The following NUCB2 variants were observed in gnomAD, a reference collection of about 807,000 sequenced individuals.
The protein encoded by NUCB2 is nucleobindin 2.
Under a neutral mutation model 57.9 loss-of-function variants are expected in NUCB2, and 48 were observed. The observed-to-expected ratio is 0.83, with a 90% CI of 0.66 to 1.05. The LOEUF (loss-of-function observed/expected upper bound fraction) is 1.05. Among genes scored for constraint, NUCB2 ranks in the 50% least tolerant of loss-of-function variants. The pLI, the probability that NUCB2 is intolerant of heterozygous loss-of-function variation, is 0.00. For synonymous variants in NUCB2, 139 were observed against 152.1 expected, an observed-to-expected ratio of 0.91 and a Z score of 0.64; for missense variants, 442 against 476.2, an observed-to-expected ratio of 0.93 and a Z score of 0.67.
chr11:17,324,883 C>T (rs1950482805), intron 11 of NUCB2, among the ~76,000 whole-genome samples: 1 of 152,048 alleles, frequency 6.6e-6, no homozygotes, highest in Non-Finnish European at 1.5e-5. Context: ...CTCACTGCAA[C>T]CTCCGCCTCC....
At chr11:17,310,040 A>G (rs1220607516) in intron 6 of NUCB2, among the ~76,000 whole-genome samples, 1 of 152,220 alleles carries the variant, frequency 6.6e-6, no homozygotes, top group Admixed American at 6.5e-5. Flanking sequence ...TGGCATATGT[A>G]CCATATTCCC....
At chr11:17,285,923 G>A (rs940401583) in intron 2 of NUCB2, among the ~76,000 whole-genome samples, 2 of 141,434 alleles carry the variant, frequency 1.4e-5, no homozygotes, top group African/African-American at 6.0e-5. Context: ...ATACATGCGC[G>A]CACGTGTGCG....
intron 2 of NUCB2, among the ~76,000 whole-genome samples, chr11:17,347,221 AG>A (rs556834849): frequency 5.9e-4 from 90 of 152,208 alleles, no homozygotes; most frequent in Non-Finnish European, 1.2e-3. Flanking sequence ...TGATACACAA[AG>A]GGTTACGTTC....
chr11:17,317,329 CATAT>C (rs966094708), intron 11 of NUCB2, among the ~76,000 whole-genome samples: 2 of 151,836 alleles, frequency 1.3e-5, no homozygotes, highest in South Asian at 2.1e-4. Flanking sequence ...TATATGTGTA[CATAT>C]ATATAAAGTT....
chr11:17,299,102 T>C (rs1946299676), intron 4 of NUCB2, among the ~76,000 whole-genome samples: 1 of 152,246 alleles, frequency 6.6e-6, no homozygotes, highest in Non-Finnish European at 1.5e-5. Context: ...GCCCTCACTG[T>C]TCCACTGAAT....
chr11:17,322,079 C>T (rs1382733936), intron 11 of NUCB2, among the ~76,000 whole-genome samples: 1 of 152,100 alleles, frequency 6.6e-6, no homozygotes, highest in African/African-American at 2.4e-5. Flanking sequence ...CTTTGCTCTG[C>T]AGAAGCTTTT....
chr11:17,310,644 C>CAA (rs71313427), intron 6 of NUCB2, among the ~76,000 whole-genome samples, 181 bp from the exon 7 acceptor site: 34,757 of 147,058 alleles, frequency 0.24, 4,633 homozygotes, highest in East Asian at 0.51. Context: ...AACTCCGTCT[C>CAA]AAAAAAAAAG....
At chr11:17,344,123 G>A (rs72863701) in intron 2 of NUCB2, among the ~76,000 whole-genome samples, 6,929 of 152,222 alleles carry the variant, frequency 0.046, 292 homozygotes, top group Admixed American at 0.14. Flanking sequence ...ACTCCTCTCT[G>A]ATTGAGTGAA....
intron 2 of NUCB2, among the ~76,000 whole-genome samples, chr11:17,337,926 C>T (rs926510127): frequency 6.6e-6 from 1 of 152,208 alleles, no homozygotes; most frequent in Admixed American, 6.5e-5. Context: ...TGAGCCACTG[C>T]GCCTGGCCTT....
intron 3 of NUCB2, 38 bp from the exon 4 acceptor site, chr11:17,296,066 A>C: frequency 7.8e-7 from 1 of 1,274,156 alleles, no homozygotes; most frequent in Non-Finnish European, 1.1e-6. Context: ...ACAAGGAAAA[A>C]CCTGCAGAAG....
rs186483316 is a variant in NUCB2 at position 17,323,008 on chromosome 11, A to C, written c.1003-7119A>C. On this transcript the variant is annotated intron_variant, in intron 11 of 13. Transcript: ENST00000529010. ...AGTCTTTAGGTTTTTCCCAAATATA[A>C]GATTATATCATCTGCAAACAAGGAT... 1.5e-3 allele frequency among the ~76,000 whole-genome samples: 228 copies of C among 151,282 alleles called. 4 individuals carry two copies. Among genetic ancestry groups the C allele is most frequent in the Admixed American group, 0.013 (193 of 15,254 alleles).
chr11:17,343,119 G>T (rs956007715), intron 2 of NUCB2, among the ~76,000 whole-genome samples: 1 of 151,696 alleles, frequency 6.6e-6, no homozygotes, highest in Non-Finnish European at 1.5e-5. Context: ...TGTTTTATCA[G>T]AGACTAGGAT....
At chr11:17,290,316 G>C (rs1398262478) in intron 2 of NUCB2, among the ~76,000 whole-genome samples, 1 of 152,154 alleles carries the variant, frequency 6.6e-6, no homozygotes, top group East Asian at 1.9e-4. Context: ...AACTCAATCT[G>C]AAGTTATGAC....
chr11:17,336,484 A>T (rs1033405595), downstream of NUCB2, among the ~76,000 whole-genome samples: 27 of 152,010 alleles, frequency 1.8e-4, no homozygotes, highest in Non-Finnish European at 3.5e-4. Flanking sequence ...AACTATAATT[A>T]AAAAATACGC....
chr11:17,327,501 A>G lies in NUCB2; in HGVS notation c.1003-2626A>G, dbSNP rs1179531509. Among the ~76,000 whole-genome samples, 4 of 152,248 alleles carry G rather than the reference A, an allele frequency of 2.6e-5. No individual in the cohort carries two copies. In the East Asian group the frequency reaches 5.8e-4, roughly 22 times the overall value. ...AATATTTTTGATATTATTCCTTTGAATAAACTTTCTACCCTTATCTCTTTC... is the reference window on the plus strand; with the variant it reads ...AATATTTTTGATATTATTCCTTTGAGTAAACTTTCTACCCTTATCTCTTTC... On this transcript the variant is annotated intron_variant, in intron 11 of 13. Transcript: ENST00000529010.
rs140090235 is a variant in NUCB2, at chr11:17,285,934, TACACACAC to T, written c.-1+3017_-1+3024del. Among the ~76,000 whole-genome samples, 365 of 143,534 alleles carry T rather than the reference TACACACAC, an allele frequency of 2.5e-3. 2 individuals carry two copies. Among genetic ancestry groups the T allele is most frequent in the African/African-American group, 8.5e-3 (339 of 39,692 alleles). The allele number at this position is 143,534 out of a possible 152,430, so 94.2% of individuals were successfully genotyped here. On this transcript the variant is annotated intron_variant, in intron 2 of 13. Coordinates refer to ENST00000529010, the MANE Select transcript of NUCB2 (RefSeq NM_005013.4). ...ACACATACATGCGCGCACGTGTGCGTACACACACACACACACACACACACACACACACA... is the reference window on the plus strand; with the variant it reads ...ACACATACATGCGCGCACGTGTGCGTACACACACACACACACACACACACA...
At chr11:17,306,123 TGAGTCAAAATC>T (rs569365461) in intron 5 of NUCB2, among the ~76,000 whole-genome samples, 153 of 152,304 alleles carry the variant, frequency 1.0e-3, no homozygotes, top group African/African-American at 3.5e-3. Context: ...TTTCTAATTA[TGAGTCAAAATC>T]AAAGAGTAGA....
chr11:17,320,445 G>A (rs1268327802), intron 11 of NUCB2, among the ~76,000 whole-genome samples: 4 of 151,964 alleles, frequency 2.6e-5, no homozygotes, highest in Admixed American at 6.6e-5. Context: ...CGAGGTGGGC[G>A]GATCACCTGA....
chr11:17,280,141 A>G (rs2137824048), intron 1 of NUCB2, among the ~76,000 whole-genome samples: 2 of 152,278 alleles, frequency 1.3e-5, no homozygotes, highest in Non-Finnish European at 2.9e-5. Flanking sequence ...GAAGTACAGT[A>G]TATGTAAATA....
Sources: gnomAD v4.1 joint callset for allele counts (sites outside exome capture counted in the v4.1 genomes callset) on GRCh38, gnomAD v4.1.1 for gene constraint, MANE v1.5 for transcripts, NCBI Gene and HGNC (gene_info 2026-07-23, HGNC 2026-07-21) for gene names.